The following PGCKA1 variants were observed in gnomAD, a reference collection of about 807,000 sequenced individuals.
The protein encoded by PGCKA1 is PDCD10 and GCKIII kinases-associated protein 1.
the PGCKA1 span, among the ~76,000 whole-genome samples, chr4:37,554,792 AAT>A: frequency 2.6e-5 from 4 of 152,222 alleles, no homozygotes; most frequent in African/African-American, 9.6e-5. Flanking sequence ...AATTGGGGAA[AAT>A]AATATGTGCA....
the PGCKA1 span, among the ~76,000 whole-genome samples, chr4:37,546,432 G>A: frequency 6.6e-6 from 1 of 152,176 alleles, no homozygotes; most frequent in Non-Finnish European, 1.5e-5. Context: ...GCTCTGTTCT[G>A]TTTCACTCTG....
chr4:37,453,940 G>T, the PGCKA1 span: 3 of 153,126 alleles, frequency 2.0e-5, no homozygotes, highest in Non-Finnish European at 4.4e-5. Flanking sequence ...GCTCAGGGCA[G>T]CGCGGAGCCG....
At chr4:37,453,422 G>A in the PGCKA1 span, among the ~76,000 whole-genome samples, 1 of 152,130 alleles carries the variant, frequency 6.6e-6, no homozygotes, top group African/African-American at 2.4e-5. Context: ...CGTGGTGGTG[G>A]CGCCCCCGCT....
At chr4:37,587,861 T>C in the PGCKA1 span, among the ~76,000 whole-genome samples, 2 of 151,790 alleles carry the variant, frequency 1.3e-5, no homozygotes, top group Admixed American at 1.3e-4. Context: ...CCCAGCTACT[T>C]GGGAGGCTGA....
At chr4:37,581,056 C>T in the PGCKA1 span, among the ~76,000 whole-genome samples, 25 of 152,248 alleles carry the variant, frequency 1.6e-4, no homozygotes, top group African/African-American at 4.8e-4. The surrounding 1 kb of genome is among the most constrained non-coding windows in gnomAD (Gnocchi z 4.4). Context: ...AGGCTACTGC[C>T]GATGTTCACT....
the PGCKA1 span, among the ~76,000 whole-genome samples, chr4:37,457,781 A>C: frequency 3.3e-5 from 5 of 152,224 alleles, no homozygotes. Context: ...AGAGTCACAT[A>C]CTTAAGATTC....
At chr4:37,490,178 A>G in the PGCKA1 span, among the ~76,000 whole-genome samples, 1 of 152,134 alleles carries the variant, frequency 6.6e-6, no homozygotes, top group African/African-American at 2.4e-5. Flanking sequence ...CTGTATGTTA[A>G]TGCATAATTC....
chr4:37,499,913 C>T, the PGCKA1 span, among the ~76,000 whole-genome samples: 2 of 130,348 alleles, frequency 1.5e-5, no homozygotes, highest in Non-Finnish European at 3.2e-5. Context: ...CTGAGGTCTT[C>T]CTAACTTTTT....
At chr4:37,509,909 G>A in the PGCKA1 span, among the ~76,000 whole-genome samples, 21 of 150,722 alleles carry the variant, frequency 1.4e-4, no homozygotes, top group South Asian at 4.3e-4. Context: ...CCGAGATGGT[G>A]GCAGTACAGT....
At chr4:37,506,917 T>A in the PGCKA1 span, among the ~76,000 whole-genome samples, 1 of 152,160 alleles carries the variant, frequency 6.6e-6, no homozygotes, top group South Asian at 2.1e-4. Flanking sequence ...AGTCTATCCC[T>A]CTCTTTAGCT....
At chr4:37,575,117 G>C in the PGCKA1 span, among the ~76,000 whole-genome samples, 2 of 152,134 alleles carry the variant, frequency 1.3e-5, no homozygotes, top group Non-Finnish European at 2.9e-5. Context: ...TATATACTCA[G>C]CAATGGGATT....
At chr4:37,538,283 T>G in the PGCKA1 span, among the ~76,000 whole-genome samples, 1 of 152,182 alleles carries the variant, frequency 6.6e-6, no homozygotes, top group Non-Finnish European at 1.5e-5. Flanking sequence ...CTGTCCTTGG[T>G]AAATAAACAT....
chr4:37,527,557 C>T, the PGCKA1 span, among the ~76,000 whole-genome samples: 1 of 151,916 alleles, frequency 6.6e-6, no homozygotes, highest in African/African-American at 2.4e-5. Flanking sequence ...TTGTGGCTCA[C>T]GCCTGTAATC....
chr4:37,516,593 G>C, the PGCKA1 span, among the ~76,000 whole-genome samples: 1 of 152,152 alleles, frequency 6.6e-6, no homozygotes. Flanking sequence ...CAAGCACCCT[G>C]TTTTGGAGCC....
chr4:37,551,068 C>T, the PGCKA1 span, among the ~76,000 whole-genome samples: 2 of 152,024 alleles, frequency 1.3e-5, no homozygotes, highest in African/African-American at 4.8e-5. Flanking sequence ...GAGATCCATT[C>T]AGTAAATTTC....
the PGCKA1 span, among the ~76,000 whole-genome samples, chr4:37,483,871 C>G: frequency 1.3e-5 from 2 of 152,174 alleles, no homozygotes. Context: ...TTGTGAGATG[C>G]ATGGGAACTA....
the PGCKA1 span, among the ~76,000 whole-genome samples, chr4:37,586,828 T>C: frequency 1.3e-5 from 2 of 152,148 alleles, no homozygotes; most frequent in African/African-American, 4.8e-5. Flanking sequence ...GAGAATCACT[T>C]GAACCAGGGA....
chr4:37,575,347 A>G, the PGCKA1 span, among the ~76,000 whole-genome samples: 2 of 152,140 alleles, frequency 1.3e-5, no homozygotes, highest in Non-Finnish European at 2.9e-5. Flanking sequence ...TCTGATGATC[A>G]TTGATGTTGA....
At chr4:37,489,249 G>C in the PGCKA1 span, among the ~76,000 whole-genome samples, 1 of 152,098 alleles carries the variant, frequency 6.6e-6, no homozygotes, top group East Asian at 1.9e-4. Flanking sequence ...CTCCTGTTAA[G>C]TGCTCTTACT....
Sources: allele counts gnomAD v4.1 joint callset (sites outside exome capture counted in the v4.1 genomes callset), GRCh38; gene constraint gnomAD v4.1.1; non-coding constraint Gnocchi (gnomAD v3.1); transcripts MANE v1.5; gene names NCBI Gene and HGNC (gene_info 2026-07-23, HGNC 2026-07-21).